Variants in EPS8 observed in about 807,000 individuals in gnomAD.
The protein encoded by EPS8 is epidermal growth factor receptor kinase substrate 8.
Under a neutral mutation model 103.8 loss-of-function variants are expected in EPS8, and 42 were observed. The ratio of observed to expected loss-of-function variants is 0.40; its 90% CI spans 0.32 to 0.52. The LOEUF is 0.52. Ranked by LOEUF, EPS8 falls within the 20% of genes least tolerant of loss-of-function variation. The pLI is 0.40. For synonymous variants in EPS8, 344 were observed against 344.6 expected (o/e 1.00, Z 0.02); for missense variants, 969 against 1,005.1 (o/e 0.96, Z 0.49).
chr12:15,645,069 G>T (rs1273286470), intron 15 of EPS8, among the ~76,000 whole-genome samples: 3 of 151,710 alleles, frequency 2.0e-5, no homozygotes, highest in African/African-American at 7.3e-5. Context: ...TCCCTTCATG[G>T]AATTTCTATT....
Position 15,770,305 on chromosome 12 carries a change from G to A in EPS8, c.-22+18856C>T, listed in dbSNP as rs1445795165. ...CCCTGTCTCAAAAAAAAAAAAAAAA[G>A]AAGAAGAAGGGAAAGGGAAAAAGAA... On this transcript the variant is annotated intron_variant, in intron 1 of 20. Coordinates refer to ENST00000281172, the MANE Select transcript of EPS8 (RefSeq NM_004447.6). 1.6e-4 allele frequency among the ~76,000 whole-genome samples: 14 copies of A among 88,780 alleles called. No homozygotes were observed. In the East Asian group the frequency reaches 1.8e-3, roughly 11 times the overall value. The allele number at this position is 88,780 out of a possible 152,430, so 58.2% of individuals were successfully genotyped here.
At chr12:15,641,060 C>T (rs1945220599) in intron 16 of EPS8, among the ~76,000 whole-genome samples, 1 of 151,984 alleles carries the variant, frequency 6.6e-6, no homozygotes, top group South Asian at 2.1e-4. Context: ...TACCCAAGGT[C>T]CATTTTACCT....
intron 3 of EPS8, among the ~76,000 whole-genome samples, chr12:15,675,302 G>T (rs1282110773): frequency 6.6e-6 from 1 of 152,130 alleles, no homozygotes; most frequent in African/African-American, 2.4e-5. Context: ...TAAACTTAAG[G>T]TTAAAATAAG....
chr12:15,780,639 A>ATTGT lies in EPS8; in HGVS notation c.-22+8518_-22+8521dup, dbSNP rs1413264353. On this transcript the variant is annotated intron_variant, in intron 1 of 20. Coordinates refer to ENST00000281172, the MANE Select transcript of EPS8 (RefSeq NM_004447.6). The surrounding 1 kb of genome is among the most constrained non-coding windows in gnomAD (Gnocchi z 4.1). ...CAGATAAGGTCTGATTCCAAAGTCC[A>ATTGT]TTGTTTGTTTGTTTTTTAATATATA... 1 of 152,066 alleles carries ATTGT rather than the reference A, an allele frequency of 6.6e-6. No individual in the cohort carries two copies. Among genetic ancestry groups the ATTGT allele is most frequent in the African/African-American group, 2.4e-5 (1 of 41,382 alleles). 9.4% of individuals were successfully genotyped at this position (152,066 alleles called of 1,614,324 possible).
intron 1 of EPS8, among the ~76,000 whole-genome samples, chr12:15,783,329 CTG>C: frequency 6.6e-6 from 1 of 152,164 alleles, no homozygotes; most frequent in South Asian, 2.1e-4. Context: ...TGTTAACAGA[CTG>C]TGTTATCAGT....
intron 1 of EPS8, among the ~76,000 whole-genome samples, chr12:15,743,569 G>A (rs1047926278): frequency 5.3e-5 from 8 of 152,102 alleles, no homozygotes; most frequent in Non-Finnish European, 1.2e-4. Context: ...CAGAGATATA[G>A]ACCAACGGAA....
chr12:15,747,066 G>C lies in EPS8; in HGVS notation c.-22+42095C>G, dbSNP rs1456139467. Among the ~76,000 whole-genome samples, 1 of 152,152 alleles carries C rather than the reference G, an allele frequency of 6.6e-6. No homozygotes were observed. Among genetic ancestry groups the C allele is most frequent in the Non-Finnish European group, 1.5e-5 (1 of 68,030 alleles). Reference sequence around the variant, plus strand: ...AATACATATTTTGTACGCAGGAAGTGTTCAGAGAAAATAAACAAACTTTTC... The same window carrying C: ...AATACATATTTTGTACGCAGGAAGTCTTCAGAGAAAATAAACAAACTTTTC... On this transcript the variant is annotated intron_variant, in intron 1 of 20. Transcript: ENST00000281172. The surrounding 1 kb of genome is among the most constrained non-coding windows in gnomAD (Gnocchi z 4.4).
Position 15,767,049 on chromosome 12 carries a change from T to C in EPS8, c.-22+22112A>G, listed in dbSNP as rs1947106292. On this transcript the variant is annotated intron_variant, in intron 1 of 20. Transcript: ENST00000281172. The surrounding 1 kb of genome is among the most constrained non-coding windows in gnomAD (Gnocchi z 5.5). ...TATATGATGACAATGATGATGGTGG[T>C]GGTGAGAATGATGATGGAGACAAAT... Among the ~76,000 whole-genome samples the C allele has an allele frequency of 1.3e-5, 2 of 152,110 alleles. No homozygotes were observed. Among genetic ancestry groups the C allele is most frequent in the African/African-American group, 4.8e-5 (2 of 41,420 alleles).
Position 15,688,142 on chromosome 12 carries a change from A to C in EPS8, c.-21-5170T>G, listed in dbSNP as rs982891304. On this transcript the variant is annotated intron_variant, in intron 1 of 20. Coordinates refer to ENST00000281172, the MANE Select transcript of EPS8 (RefSeq NM_004447.6). The surrounding 1 kb of genome is among the most constrained non-coding windows in gnomAD (Gnocchi z 5.1). ...TAAAATCATAGGCAGAAGTGAACAC[A>C]AAGGAGAAAGGGAAAGAAAACATTT... Among the ~76,000 whole-genome samples, 3 of 152,218 alleles carry C rather than the reference A, an allele frequency of 2.0e-5. No individual in the cohort carries two copies. The highest frequency in any genetic ancestry group is 4.4e-5 in the Non-Finnish European group (3 of 68,034).
At chr12:15,646,638 T>A (rs1439746530) in intron 15 of EPS8, among the ~76,000 whole-genome samples, 1 of 152,168 alleles carries the variant, frequency 6.6e-6, no homozygotes, top group African/African-American at 2.4e-5. Context: ...AAAGTCAAGA[T>A]AAAAAGATGA....
rs1947245283 is a variant in EPS8, at chr12:15,780,160, C to T, written c.-22+9001G>A. 6.6e-6 allele frequency: 1 copy of T among 152,144 alleles called. No individual in the cohort carries two copies. Among genetic ancestry groups the T allele is most frequent in the Non-Finnish European group, 1.5e-5 (1 of 68,028 alleles). 9.4% of individuals were successfully genotyped at this position (152,144 alleles called of 1,614,324 possible). ...TGCAATTCTTAAACAGGTTTGGTAT[C>T]TTTATTCTCTTCTGCTACAATGTAA... is the stretch of plus-strand genomic sequence containing the variant. On this transcript the variant is annotated intron_variant, in intron 1 of 20. Coordinates refer to ENST00000281172, the MANE Select transcript of EPS8 (RefSeq NM_004447.6). The surrounding 1 kb of genome is among the most constrained non-coding windows in gnomAD (Gnocchi z 4.1).
At position 15,733,193 on chromosome 12, in the gene EPS8, G is replaced by C. The variant is rs574322175; in HGVS notation, c.-21-50221C>G. On this transcript the variant is annotated intron_variant, in intron 1 of 20. Transcript: ENST00000281172. This position sits in a 1 kb window ranked among gnomAD's most constrained non-coding sequence, Gnocchi z 4.8. ...AGGTTTAATTGACTCACAGTTCCAC[G>C]GGCTTAACAGGAAGCATAGCTGAGA... Among the ~76,000 whole-genome samples the C allele has an allele frequency of 1.3e-5, 2 of 152,080 alleles. No homozygotes were observed. Among genetic ancestry groups the C allele is most frequent in the African/African-American group, 4.8e-5 (2 of 41,406 alleles).
rs764108232 is a variant in EPS8, at chr12:15,624,221, A to C, written c.2225+6T>G. 30 of 1,611,292 alleles carry C rather than the reference A, an allele frequency of 1.9e-5. No homozygotes were observed. In the South Asian group the frequency reaches 3.3e-4, roughly 18 times the overall value. ...AGAATTGCAAAGTATTCACAGAGAG[A>C]CTCACACAGGGTTGAATCCCTTTGA... is the stretch of plus-strand genomic sequence containing the variant. On this transcript the variant is annotated splice_donor_region_variant and intron_variant, in intron 19 of 20. Transcript: ENST00000281172.
At chr12:15,664,241 C>T (rs560146355) in intron 8 of EPS8, among the ~76,000 whole-genome samples, 9 of 151,254 alleles carry the variant, frequency 6.0e-5, no homozygotes, top group East Asian at 1.9e-4. Flanking sequence ...CTTATGAAAA[C>T]GGAAACTGTT....
rs1255847260 is a variant in EPS8 at position 15,667,086 on chromosome 12, A to C, written c.517-564T>G. 3.3e-5 allele frequency among the ~76,000 whole-genome samples: 5 copies of C among 152,316 alleles called. No homozygotes were observed. The East Asian group carries it at 9.6e-4, about 29-fold the overall frequency. On this transcript the variant is annotated intron_variant, in intron 6 of 20. Coordinates refer to ENST00000281172, the MANE Select transcript of EPS8 (RefSeq NM_004447.6). Reference sequence around the variant, plus strand: ...CACTACTTTTCCAGAACATTCAGTTAGATTTTTCTTGGGGAGCAACGTGAG... The same window carrying C: ...CACTACTTTTCCAGAACATTCAGTTCGATTTTTCTTGGGGAGCAACGTGAG...
At chr12:15,766,706 G>GA (rs1947102805) in intron 1 of EPS8, among the ~76,000 whole-genome samples, 1 of 150,466 alleles carries the variant, frequency 6.6e-6, no homozygotes, top group Non-Finnish European at 1.5e-5. Flanking sequence ...AAAGTTTTAA[G>GA]AAAAAAAGAA....
chr12:15,753,390 C>T (rs924213082), intron 1 of EPS8, among the ~76,000 whole-genome samples: 1 of 152,082 alleles, frequency 6.6e-6, no homozygotes, highest in African/African-American at 2.4e-5. Flanking sequence ...TTCAGAATTC[C>T]TTCTTGATAG....
intron 1 of EPS8, among the ~76,000 whole-genome samples, chr12:15,685,396 T>C (rs1194270515): frequency 1.3e-5 from 2 of 152,224 alleles, no homozygotes; most frequent in Admixed American, 6.5e-5. Flanking sequence ...AGCAAGCTGG[T>C]TCATTCAGTA....
chr12:15,622,020 C>T (rs1235098593), intron 20 of EPS8, among the ~76,000 whole-genome samples: 1 of 152,136 alleles, frequency 6.6e-6, no homozygotes, highest in Non-Finnish European at 1.5e-5. Flanking sequence ...TAGTCAGCCT[C>T]TGCCTCAGTT....
Sources: allele counts gnomAD v4.1 joint callset (sites outside exome capture counted in the v4.1 genomes callset), GRCh38; gene constraint gnomAD v4.1.1; non-coding constraint Gnocchi (gnomAD v3.1); transcripts MANE v1.5; gene names NCBI Gene and HGNC (gene_info 2026-07-23, HGNC 2026-07-21).